NR2C2: variants seen among roughly 807,000 people sequenced by gnomAD.
NR2C2 encodes nuclear receptor subfamily 2 group C member 2.
A neutral mutation model predicts 62.9 loss-of-function variants in NR2C2; 6 were observed. The observed-to-expected ratio is 0.10, with a 90% confidence interval of 0.05 to 0.19. The LOEUF (loss-of-function observed/expected upper bound fraction) is 0.19, where lower values mean the gene tolerates loss of function less well. Ranked by LOEUF, NR2C2 falls within the 10% of genes least tolerant of loss-of-function variation. The probability of loss-of-function intolerance (pLI) is 1.00; values close to 1 mark genes in which losing one functional copy is unlikely to be tolerated. For synonymous variants in NR2C2, 272 were observed against 273.8 expected, an observed-to-expected ratio of 0.99 and a Z score of 0.07; for missense variants, 479 against 762.7, an observed-to-expected ratio of 0.63 and a Z score of 4.38.
At position 15,048,436 on chromosome 3, in the gene NR2C2, C is replaced by T. The variant is rs1048575267; in HGVS notation, c.*5428C>T. 6.6e-6 allele frequency: 1 copy of T among 152,358 alleles called. No homozygotes were observed. Among genetic ancestry groups the T allele is most frequent in the Non-Finnish European group, 1.5e-5 (1 of 67,990 alleles). The allele number at this position is 152,358 out of a possible 1,614,324, so 9.4% of individuals were successfully genotyped here. ...TGTGAGCTTAAGAAAAGTATCTTTGCGGGGAGAAAAATGTCAGATATTTTT... is the reference window on the plus strand; with the variant it reads ...TGTGAGCTTAAGAAAAGTATCTTTGTGGGGAGAAAAATGTCAGATATTTTT... On this transcript the variant is annotated 3_prime_UTR_variant, in exon 14 of 14. Coordinates refer to ENST00000425241, the MANE Select transcript of NR2C2 (RefSeq NM_001291694.2).
intron 1 of NR2C2, among the ~76,000 whole-genome samples, chr3:14,967,418 A>G (rs1438491827): frequency 1.3e-5 from 2 of 152,148 alleles, no homozygotes; most frequent in African/African-American, 4.8e-5. Context: ...AGAATATAAA[A>G]ATCAGATAGT....
chr3:15,020,796 C>T lies in NR2C2; in HGVS notation c.420C>T (p.Phe140=), dbSNP rs775047844. 6.2e-7 allele frequency: 1 copy of T among 1,614,178 alleles called. No individual in the cohort carries two copies. Among genetic ancestry groups the T allele is most frequent in the Admixed American group, 1.7e-5 (1 of 60,014 alleles). Residue 140 remains phenylalanine (F), a synonymous_variant, in exon 5 of 14, where the codon TTC becomes TTT. Coordinates refer to ENST00000425241, the MANE Select transcript of NR2C2 (RefSeq NM_001291694.2). ...TCAGTTGTGAAGGTTGCAAAGGTTT[C>T]TTCAAAAGGAGTGTGAGGAAAAATT... ...GAVSCEGCKG[F]FKRSVRKNLT... is the part of the protein sequence containing the mutation.
Position 15,020,585 on chromosome 3 carries a change from A to T in NR2C2, c.377-168A>T, listed in dbSNP as rs554376972. Among the ~76,000 whole-genome samples, 4 of 152,336 alleles carry T rather than the reference A, an allele frequency of 2.6e-5. No individual in the cohort carries two copies. In the East Asian group the frequency reaches 7.7e-4, roughly 29 times the overall value. Reference sequence around the variant, plus strand: ...TGAAAGATGGTAGAGAAATTACGTGAAGGGTGTGGCCAGTATGCTTAATGC... The same window carrying T: ...TGAAAGATGGTAGAGAAATTACGTGTAGGGTGTGGCCAGTATGCTTAATGC... On this transcript the variant is annotated intron_variant, in intron 4 of 13. Coordinates refer to ENST00000425241, the MANE Select transcript of NR2C2 (RefSeq NM_001291694.2).
chr3:14,987,328 C>G (rs1263401302), intron 1 of NR2C2, among the ~76,000 whole-genome samples: 1 of 152,132 alleles, frequency 6.6e-6, no homozygotes, highest in Non-Finnish European at 1.5e-5. Flanking sequence ...AGCAATCCTT[C>G]CGCCTTGGCC....
intron 1 of NR2C2, among the ~76,000 whole-genome samples, chr3:14,983,462 TAC>T (rs34788861): frequency 0.013 from 1,850 of 146,722 alleles, 20 homozygotes; most frequent in African/African-American, 0.032. Context: ...ATACTCTTTA[TAC>T]ACACACACAC....
In NR2C2 at chr3:15,043,211, C is replaced by T. The variant is rs1481836059; in HGVS notation, c.*203C>T. 7.5e-6 allele frequency: 3 copies of T among 399,206 alleles called. No individual in the cohort carries two copies. The highest frequency in any genetic ancestry group is 6.2e-5 in the African/African-American group (3 of 48,432). 24.7% of individuals were successfully genotyped at this position (399,206 alleles called of 1,614,324 possible). ...CCTGACATAAGAAATGTTTTAATGC[C>T]TTTTGATGAAGCAGCAGATTTTGGA... On this transcript the variant is annotated 3_prime_UTR_variant, in exon 14 of 14. Coordinates refer to ENST00000425241, the MANE Select transcript of NR2C2 (RefSeq NM_001291694.2).
At chr3:15,037,242 TTTG>T (rs1483810382) in intron 11 of NR2C2, among the ~76,000 whole-genome samples, 1 of 151,732 alleles carries the variant, frequency 6.6e-6, no homozygotes, top group East Asian at 1.9e-4. Context: ...TGTGTGTGTT[TTTG>T]TTTTTTGTAG....
intron 1 of NR2C2, among the ~76,000 whole-genome samples, chr3:14,997,558 C>G (rs1032170123): frequency 1.3e-5 from 2 of 152,132 alleles, no homozygotes; most frequent in African/African-American, 4.8e-5. Context: ...GGGAGACATA[C>G]CTTGCAGGAT....
intron 1 of NR2C2, among the ~76,000 whole-genome samples, chr3:14,951,778 C>T (rs775704051): frequency 2.7e-4 from 41 of 151,648 alleles, no homozygotes; most frequent in South Asian, 1.0e-3. Flanking sequence ...TTGGGAGTCT[C>T]GCTCTGTCAC....
At chr3:15,026,540 GACTCTATGGTTTTGTCA>G (rs1223181619) in intron 7 of NR2C2, 2 of 152,104 alleles carry the variant, frequency 1.3e-5, no homozygotes, top group East Asian at 3.9e-4. Context: ...TCTGCTTTCT[GACTCTATGGTTTTGTCA>G]ACTCTGTACA....
At chr3:14,979,812 A>G (rs780190962) in intron 1 of NR2C2, among the ~76,000 whole-genome samples, 1 of 152,124 alleles carries the variant, frequency 6.6e-6, no homozygotes, top group Admixed American at 6.5e-5. Flanking sequence ...TCTGGGTATT[A>G]TAGGCCATGG....
In NR2C2 at chr3:15,038,019, G is replaced by C. The variant is rs577872738; in HGVS notation, c.1392G>C (p.Arg464=). 6.2e-7 allele frequency: 1 copy of C among 1,613,762 alleles called. No individual in the cohort carries two copies. Among genetic ancestry groups the C allele is most frequent in the African/African-American group, 1.3e-5 (1 of 75,020 alleles). ...TTCTAGATAAACTTTCTGGTGACCG[G>C]ATAAAGCAAGTCATGGAGCACATCT... ...SIQEDKLSGD[R]IKQVMEHIWK... Residue 464 remains arginine (R), a synonymous_variant, in exon 12 of 14, where the codon CGG becomes CGC. Transcript: ENST00000425241.
rs2042533223 is a variant in NR2C2 at position 15,048,448 on chromosome 3, T to C, written c.*5440T>C. ...AAAAGTATCTTTGCGGGGAGAAAAA[T>C]GTCAGATATTTTTAATGCCCAGCTA... On this transcript the variant is annotated 3_prime_UTR_variant, in exon 14 of 14. Transcript: ENST00000425241. 1.3e-5 allele frequency: 2 copies of C among 152,546 alleles called. No individual in the cohort carries two copies. The highest frequency in any genetic ancestry group is 2.9e-5 in the Non-Finnish European group (2 of 68,038). 9.4% of individuals were successfully genotyped at this position (152,546 alleles called of 1,614,324 possible).
chr3:14,981,598 GTC>G (rs1373871868), intron 1 of NR2C2, among the ~76,000 whole-genome samples: 1 of 111,086 alleles, frequency 9.0e-6, no homozygotes, highest in Non-Finnish European at 1.7e-5. Flanking sequence ...GCGAGGCTCT[GTC>G]TCAAAAAAAA....
intron 2 of NR2C2, among the ~76,000 whole-genome samples, chr3:15,008,382 C>T (rs62240384): frequency 0.091 from 13,839 of 151,680 alleles, 723 homozygotes; most frequent in African/African-American, 0.13. Context: ...ATTAGCCAGG[C>T]GTGCTGGCAC....
At chr3:14,969,502 A>G (rs1026762920) in intron 1 of NR2C2, among the ~76,000 whole-genome samples, 5 of 152,114 alleles carry the variant, frequency 3.3e-5, no homozygotes, top group African/African-American at 1.2e-4. Flanking sequence ...TGGCCTCCCA[A>G]AGTGCTGGGA....
intron 1 of NR2C2, among the ~76,000 whole-genome samples, chr3:14,983,445 C>G (rs2040429633): frequency 6.9e-6 from 1 of 144,460 alleles, no homozygotes; most frequent in South Asian, 2.2e-4. Context: ...ATAGGTTAAT[C>G]TGGATTATAC....
At chr3:14,964,576 G>T (rs1214573030) in intron 1 of NR2C2, among the ~76,000 whole-genome samples, 1 of 151,780 alleles carries the variant, frequency 6.6e-6, no homozygotes, top group Non-Finnish European at 1.5e-5. Context: ...GTGCAGTGGT[G>T]CGATCTCGGC....
chr3:14,973,728 A>G (rs2125301538), intron 1 of NR2C2, among the ~76,000 whole-genome samples: 1 of 152,260 alleles, frequency 6.6e-6, no homozygotes, highest in African/African-American at 2.4e-5. Flanking sequence ...GTCAACAATC[A>G]TTTGACATAT....
Sources: allele counts gnomAD v4.1 joint callset (sites outside exome capture counted in the v4.1 genomes callset), GRCh38; gene constraint gnomAD v4.1.1; transcripts MANE v1.5; gene names NCBI Gene and HGNC (gene_info 2026-07-23, HGNC 2026-07-21).